ADAMTS20: variants seen among roughly 807,000 people sequenced by gnomAD.
The protein encoded by ADAMTS20 is A disintegrin and metalloproteinase with thrombospondin motifs 20.
In ADAMTS20, 225 loss-of-function variants were observed where a neutral mutation model predicts 260.1. The ratio of observed to expected loss-of-function variants is 0.87; its 90% confidence interval spans 0.78 to 0.97. The LOEUF is 0.97. ADAMTS20 is among the 50% of genes least tolerant of loss of function. The pLI is 0.00. For synonymous variants in ADAMTS20, 802 were observed against 769.5 expected (o/e 1.04, Z -0.70); for missense variants, 2,400 against 2,337.7 (o/e 1.03, Z -0.55).
At chr12:43,527,190 G>C (rs1422208795) in intron 3 of ADAMTS20, among the ~76,000 whole-genome samples, 4 of 152,116 alleles carry the variant, frequency 2.6e-5, no homozygotes, top group Admixed American at 6.5e-5. Flanking sequence ...AACTGAATCA[G>C]TAATTTTAAC....
intron 28 of ADAMTS20, among the ~76,000 whole-genome samples, chr12:43,414,620 CAACCACAAAGAAA>C (rs1941095143): frequency 6.6e-6 from 1 of 152,042 alleles, no homozygotes; most frequent in African/African-American, 2.4e-5. Flanking sequence ...ATGCAAACTA[CAACCACAAAGAAA>C]TACCACGACA....
intron 25 of ADAMTS20, 40 bp downstream of exon 25, chr12:43,428,595 T>C: frequency 2.7e-6 from 4 of 1,473,832 alleles, no homozygotes; most frequent in Non-Finnish European, 3.6e-6. Flanking sequence ...CAAATATATT[T>C]AAATTTTTCA....
chr12:43,544,569 CA>C (rs1943417973), intron 2 of ADAMTS20, among the ~76,000 whole-genome samples: 2 of 152,026 alleles, frequency 1.3e-5, no homozygotes, highest in African/African-American at 4.8e-5. Context: ...TCAATTTTGC[CA>C]AGAGAAGATC....
chr12:43,480,929 T>C (rs1252085205), intron 7 of ADAMTS20, among the ~76,000 whole-genome samples: 1 of 152,046 alleles, frequency 6.6e-6, no homozygotes, highest in African/African-American at 2.4e-5. Flanking sequence ...GTTATAATAA[T>C]GTATTATAAT....
At chr12:43,445,755 G>A in intron 15 of ADAMTS20, among the ~76,000 whole-genome samples, 1 of 152,040 alleles carries the variant, frequency 6.6e-6, no homozygotes, top group East Asian at 1.9e-4. Context: ...GGGATGAGGA[G>A]GTGGAAAGAT....
rs763643011 is a variant in ADAMTS20 at position 43,383,628 on chromosome 12, A to G, written c.4727T>C (p.Ile1576Thr). ...VNEIVYNSST[I>T]SLTSKNCRNP... The stretch of plus-strand genomic sequence containing the variant: ...CCTGCAATTCTTGGATGTAAGAGAT[A>G]TGGTTGAAGAATTATAGACTATTTC... The change falls in exon 31 of 39, where the codon ATA becomes ACA. Residue 1576 changes from isoleucine (I) to threonine (T), a missense_variant. Physicochemically the swap from Ile to Thr is moderately conservative, Grantham distance 89. Transcript: ENST00000389420. The G allele has an allele frequency of 5.0e-6, 8 of 1,613,718 alleles. No homozygotes were observed. In the South Asian group the frequency reaches 6.6e-5, roughly 13 times the overall value.
chr12:43,466,068 T>C (rs1439434555), intron 9 of ADAMTS20, among the ~76,000 whole-genome samples: 1 of 151,860 alleles, frequency 6.6e-6, no homozygotes, highest in African/African-American at 2.4e-5. Context: ...ATAAAAGAAA[T>C]TGGGAAGCAG....
chr12:43,463,958 T>A (rs1437636095), intron 10 of ADAMTS20, among the ~76,000 whole-genome samples: 3 of 152,072 alleles, frequency 2.0e-5, no homozygotes, highest in Admixed American at 2.0e-4. Context: ...CATGGAAAAG[T>A]AAAGCATGGA....
At chr12:43,360,154 AAC>A (rs1239632011) in intron 37 of ADAMTS20, among the ~76,000 whole-genome samples, 1 of 152,206 alleles carries the variant, frequency 6.6e-6, no homozygotes. Context: ...AAGACTTGAA[AAC>A]ACATATCACC....
chr12:43,359,904 A>G (rs1328259117), intron 37 of ADAMTS20, among the ~76,000 whole-genome samples: 1 of 152,206 alleles, frequency 6.6e-6, no homozygotes, highest in Non-Finnish European at 1.5e-5. Context: ...GAAAATTTCC[A>G]AAAGGAGAAA....
chr12:43,384,652 G>A (rs975024866), intron 29 of ADAMTS20, among the ~76,000 whole-genome samples: 1 of 152,018 alleles, frequency 6.6e-6, no homozygotes, highest in East Asian at 1.9e-4. Flanking sequence ...TCCCCTCCAT[G>A]TGTCCATGTG....
intron 37 of ADAMTS20, among the ~76,000 whole-genome samples, chr12:43,365,749 A>G (rs566982680): frequency 6.6e-6 from 1 of 152,138 alleles, no homozygotes; most frequent in Admixed American, 6.5e-5. Flanking sequence ...CATAGCAGAA[A>G]AAGAGAAGAA....
At chr12:43,408,516 C>A (rs10880485) in intron 28 of ADAMTS20, among the ~76,000 whole-genome samples, 33,485 of 151,920 alleles carry the variant, frequency 0.22, 4,354 homozygotes, top group African/African-American at 0.35. Flanking sequence ...AAGCCAAGAA[C>A]TATGCTTTTA....
chr12:43,409,589 G>T (rs1446654785), intron 28 of ADAMTS20, among the ~76,000 whole-genome samples: 2 of 75,126 alleles, frequency 2.7e-5, no homozygotes, highest in African/African-American at 8.3e-5. Flanking sequence ...GCGACAGAGC[G>T]AGACTCCGTC....
In ADAMTS20 at chr12:43,353,881, G is replaced by T. The variant is rs1018720130; in HGVS notation, c.*328C>A. 2.8e-5 allele frequency: 5 copies of T among 175,916 alleles called. No homozygotes were observed. Among genetic ancestry groups the T allele is most frequent in the Non-Finnish European group, 3.6e-5 (3 of 83,336 alleles). 10.9% of individuals were successfully genotyped at this position (175,916 alleles called of 1,614,324 possible). The stretch of plus-strand genomic sequence containing the variant: ...CAGAGATTTACATGTGTGTTTATAG[G>T]TATAAAATAAGTGTGGTCCAGGCCA... On this transcript the variant is annotated 3_prime_UTR_variant, in exon 39 of 39. Transcript: ENST00000389420.
chr12:43,375,548 A>G (rs772975491), intron 35 of ADAMTS20, 36 bp from the exon 36 acceptor site: 2 of 1,608,148 alleles, frequency 1.2e-6, no homozygotes, highest in Non-Finnish European at 1.7e-6. Context: ...TATTAGATGC[A>G]GTTACGAGGC....
rs1565555397 is a variant in ADAMTS20 at position 43,452,625 on chromosome 12, G to A, written c.1831C>T (p.Pro611Ser). The change falls in exon 13 of 39, where the codon CCA (proline) becomes TCA (serine). Residue 611 changes from proline to serine, a missense_variant. By Grantham distance (74) the Pro-to-Ser change is moderately conservative. Coordinates refer to ENST00000389420, the MANE Select transcript of ADAMTS20 (RefSeq NM_025003.5). Reference protein sequence around the residue: ...KFRSCNTDSCPKGTQDFREKQ... With the variant: ...KFRSCNTDSCSKGTQDFREKQ... ...TCTCGAAAGTCTTGTGTGCCTTTTG[G>A]ACATGAATCAGTATTACATGATCGA... 7 of 1,613,210 alleles carry A rather than the reference G, an allele frequency of 4.3e-6. No homozygotes were observed. The highest frequency in any genetic ancestry group is 5.9e-6 in the Non-Finnish European group (7 of 1,179,656).
At position 43,475,061 on chromosome 12, in the gene ADAMTS20, C is replaced by A. The variant is rs936131106; in HGVS notation, c.1118-6356G>T. 3.1e-3 allele frequency among the ~76,000 whole-genome samples: 431 copies of A among 140,134 alleles called. 3 individuals are homozygous for A. The highest frequency in any genetic ancestry group is 0.01 in the African/African-American group (402 of 38,376). 91.9% of individuals were successfully genotyped at this position (140,134 alleles called of 152,430 possible). ...GAGGAAGTCAAATTGTCCCTGTGTG[C>A]AGACAACATGATTGTTTATCTAGAA... On this transcript the variant is annotated intron_variant, in intron 7 of 38. Coordinates refer to ENST00000389420, the MANE Select transcript of ADAMTS20 (RefSeq NM_025003.5).
At chr12:43,416,524 C>CTT (rs59341765) in intron 28 of ADAMTS20, among the ~76,000 whole-genome samples, 40,322 of 130,426 alleles carry the variant, frequency 0.31, 7,134 homozygotes, top group East Asian at 0.73. Context: ...TCAAACTGAC[C>CTT]TTTTTTTTTT....
Sources: gnomAD v4.1 joint callset for allele counts (sites outside exome capture counted in the v4.1 genomes callset) on GRCh38, gnomAD v4.1.1 for gene constraint, MANE v1.5 for transcripts, NCBI Gene and HGNC (gene_info 2026-07-23, HGNC 2026-07-21) for gene names.